GRID2: variants seen among roughly 807,000 people sequenced by gnomAD.
GRID2 encodes the protein glutamate ionotropic receptor delta type subunit 2, also known as glutamate receptor ionotropic, delta-2.
GRID2 carries 33 observed loss-of-function variants against 114.8 expected under a neutral mutation model. That is an observed-to-expected ratio of 0.29 (90% confidence interval 0.22 to 0.38). GRID2 has a LOEUF of 0.38. Ranked by LOEUF, GRID2 falls within the 10% of genes least tolerant of loss-of-function variation. The probability of loss-of-function intolerance (pLI) is 1.00; values close to 1 mark genes in which losing one functional copy is unlikely to be tolerated. For missense variants in GRID2, 1,184 were observed against 1,257.7 expected, an observed-to-expected ratio of 0.94 and a Z score of 0.89; for synonymous variants, 505 against 449.9, an observed-to-expected ratio of 1.12 and a Z score of -1.55.
rs752317516 is a variant in GRID2, at chr4:93,085,219, C to G, written c.469C>G (p.Leu157Val). Residue 157 changes from leucine (L) to valine (V), a missense_variant, in exon 3 of 16, where the codon CTA (leucine) becomes GTA (valine). By Grantham distance (32) the Leu-to-Val change is conservative. This residue lies in a region of GRID2 where 455 missense variants were observed against 429.5 expected (regional missense o/e 1.06). Transcript: ENST00000282020. ...RPPVYLHDVI[L>V]RVVTEYAWQK... ...ACCTGTCTACTTGCATGATGTTATCCTAAGAGTGGTCACAGAGTATGCCTG... is the reference window on the plus strand; with the variant it reads ...ACCTGTCTACTTGCATGATGTTATCGTAAGAGTGGTCACAGAGTATGCCTG... 2 of 1,613,436 alleles carry G rather than the reference C, an allele frequency of 1.2e-6. No homozygotes were observed. Among genetic ancestry groups the G allele is most frequent in the Admixed American group, 3.3e-5 (2 of 60,024 alleles).
chr4:93,803,806 T>C (rs1177385535), intron 1 of GRID2, among the ~76,000 whole-genome samples: 3 of 152,234 alleles, frequency 2.0e-5, no homozygotes, highest in African/African-American at 7.2e-5. Flanking sequence ...TTAAAATTGC[T>C]TACCTTTTTC....
intron 3 of GRID2, among the ~76,000 whole-genome samples, chr4:93,109,093 A>C (rs1732531378): frequency 6.6e-6 from 1 of 152,254 alleles, no homozygotes; most frequent in Admixed American, 6.5e-5. Flanking sequence ...ACCAAAGTCC[A>C]TCAAATTTAA....
At chr4:92,829,213 A>G (rs745779701) in intron 2 of GRID2, among the ~76,000 whole-genome samples, 3 of 152,190 alleles carry the variant, frequency 2.0e-5, no homozygotes, top group Non-Finnish European at 2.9e-5. Flanking sequence ...GAAGGGATCC[A>G]GTTTTCTGTT....
rs202208158 is a variant in GRID2, at chr4:93,499,400, T to C, written c.1997+8623T>C. On this transcript the variant is annotated intron_variant, in intron 12 of 15. Coordinates refer to ENST00000282020, the MANE Select transcript of GRID2 (RefSeq NM_001510.4). Reference sequence around the variant, plus strand: ...TTATTATTACTTCATCCAATAAAGATGAATACAACTCCATTAGCAAAGCAT... The same window carrying C: ...TTATTATTACTTCATCCAATAAAGACGAATACAACTCCATTAGCAAAGCAT... Among the ~76,000 whole-genome samples the C allele has an allele frequency of 5.9e-5, 9 of 152,134 alleles. No homozygotes were observed. In the East Asian group the frequency reaches 1.7e-3, roughly 30 times the overall value.
In GRID2 at chr4:93,319,433, T is replaced by C. The variant is rs565543395; in HGVS notation, c.1246-76174T>C. 8.0e-4 allele frequency among the ~76,000 whole-genome samples: 122 copies of C among 152,214 alleles called. 2 individuals are homozygous for C. In the South Asian group the frequency reaches 0.02, roughly 25 times the overall value. ...AAATATTAATAGTAAAATTGTAAAC[T>C]GTTTTGGTAGGGAGAATTCTAAGAT... On this transcript the variant is annotated intron_variant, in intron 8 of 15. Coordinates refer to ENST00000282020, the MANE Select transcript of GRID2 (RefSeq NM_001510.4).
chr4:93,387,635 G>A (rs948150152), intron 8 of GRID2, among the ~76,000 whole-genome samples: 2 of 152,032 alleles, frequency 1.3e-5, no homozygotes, highest in Non-Finnish European at 2.9e-5. Flanking sequence ...TTTGAGACCA[G>A]CCTGGCCAAC....
chr4:92,574,415 T>A (rs933649672), intron 1 of GRID2, among the ~76,000 whole-genome samples: 1 of 14,714 alleles, frequency 6.8e-5, no homozygotes, highest in Non-Finnish European at 1.5e-4. Flanking sequence ...ACTTTAGTAT[T>A]TTTTTTTTTT....
At chr4:92,669,835 C>T (rs1185721974) in intron 2 of GRID2, among the ~76,000 whole-genome samples, 2 of 151,932 alleles carry the variant, frequency 1.3e-5, no homozygotes, top group Non-Finnish European at 2.9e-5. Flanking sequence ...TATCGTAAGC[C>T]AAGCCACCTT....
intron 8 of GRID2, among the ~76,000 whole-genome samples, chr4:93,261,462 A>G (rs1048375884): frequency 6.6e-6 from 1 of 151,824 alleles, no homozygotes; most frequent in Non-Finnish European, 1.5e-5. Context: ...ATGAAATCCT[A>G]TAATTAAGCA....
chr4:92,736,129 G>A (rs183067552), intron 2 of GRID2, among the ~76,000 whole-genome samples: 10 of 152,226 alleles, frequency 6.6e-5, no homozygotes, highest in Admixed American at 5.9e-4. Flanking sequence ...AGGGCTCATT[G>A]TAATCACAGG....
In GRID2 at chr4:92,624,919, T is replaced by C. The variant is rs77275724; in HGVS notation, c.244+34633T>C. Among the ~76,000 whole-genome samples the C allele has an allele frequency of 7.0e-3, 1,067 of 151,910 alleles. 13 individuals are homozygous for C. The highest frequency in any genetic ancestry group is 0.069 in the East Asian group (353 of 5,140). Reference sequence around the variant, plus strand: ...AAGAATTCAGTTTGATAAAGACATATTGTGATTTCCTCTGGTTACTTTATC... The same window carrying C: ...AAGAATTCAGTTTGATAAAGACATACTGTGATTTCCTCTGGTTACTTTATC... On this transcript the variant is annotated intron_variant, in intron 2 of 15. Transcript: ENST00000282020.
chr4:93,400,490 A>T (rs1480682922), intron 9 of GRID2, among the ~76,000 whole-genome samples: 1 of 152,108 alleles, frequency 6.6e-6, no homozygotes, highest in Admixed American at 6.6e-5. Context: ...GAGTTATGCA[A>T]TGTAGATAGC....
intron 14 of GRID2, among the ~76,000 whole-genome samples, chr4:93,756,921 A>C (rs950861238): frequency 6.6e-6 from 1 of 152,210 alleles, no homozygotes; most frequent in Non-Finnish European, 1.5e-5. Context: ...GAATATAAGA[A>C]GTGCATCAGA....
intron 13 of GRID2, among the ~76,000 whole-genome samples, chr4:93,555,883 C>T (rs1194839303): frequency 3.9e-5 from 6 of 152,140 alleles, no homozygotes; most frequent in Non-Finnish European, 8.8e-5. Flanking sequence ...GCAGGTGTCC[C>T]TCTGGGACAA....
intron 13 of GRID2, among the ~76,000 whole-genome samples, chr4:93,593,843 G>T (rs370279738): frequency 6.6e-6 from 1 of 151,702 alleles, no homozygotes; most frequent in Admixed American, 6.6e-5. Context: ...CCAGTTGATC[G>T]CATCGGCTCC....
chr4:92,376,996 G>A (rs1162150876), intron 1 of GRID2, among the ~76,000 whole-genome samples: 1 of 152,050 alleles, frequency 6.6e-6, no homozygotes, highest in Non-Finnish European at 1.5e-5. Context: ...GAAAAGCCCT[G>A]GAAATATTTT....
chr4:93,723,595 A>G (rs1168731709), intron 14 of GRID2, among the ~76,000 whole-genome samples: 1 of 152,200 alleles, frequency 6.6e-6, no homozygotes, highest in Admixed American at 6.5e-5. Context: ...ATGAACTTTT[A>G]ATTCTATTTA....
intron 8 of GRID2, among the ~76,000 whole-genome samples, chr4:93,395,379 G>A (rs1765231945): frequency 6.6e-6 from 1 of 151,938 alleles, no homozygotes; most frequent in South Asian, 2.1e-4. Context: ...TGTCCTCAAT[G>A]AGCCTCCTAA....
chr4:92,328,420 G>A (rs1369812326), intron 1 of GRID2, among the ~76,000 whole-genome samples: 1 of 152,026 alleles, frequency 6.6e-6, no homozygotes, highest in Non-Finnish European at 1.5e-5. Flanking sequence ...CAGCATAACG[G>A]ACTTGCGTTC....
Sources: gnomAD v4.1 joint callset for allele counts (sites outside exome capture counted in the v4.1 genomes callset) on GRCh38, gnomAD v4.1.1 for gene constraint, gnomAD v4.1.1 regional missense constraint, MANE v1.5 for transcripts, NCBI Gene and HGNC (gene_info 2026-07-23, HGNC 2026-07-21) for gene names.